DSG2: variants seen among roughly 807,000 people sequenced by gnomAD.
DSG2 encodes desmoglein 2.
Under a neutral mutation model 75.6 loss-of-function variants are expected in DSG2, and 45 were observed. The ratio of observed to expected loss-of-function variants is 0.60; its 90% CI spans 0.47 to 0.76. DSG2 has a LOEUF of 0.76. Ranked by LOEUF, DSG2 falls within the 30% of genes least tolerant of loss-of-function variation. The probability of loss-of-function intolerance (pLI) is 0.00; values close to 1 mark genes in which losing one functional copy is unlikely to be tolerated. For synonymous variants in DSG2, 429 were observed against 483.9 expected (o/e 0.89, Z 1.49); for missense variants, 1,267 against 1,357.4 (o/e 0.93, Z 1.05).
chr18:31,519,935 A>C lies in DSG2; in HGVS notation c.214A>C (p.Lys72Gln). The stretch of plus-strand genomic sequence containing the variant: ...TCTGTCCAAGAAGAATCCAATTGCC[A>C]AGGTACCTCCTAAAGAGGAACATGA... The part of the protein sequence containing the change: ...EDLSKKNPIA[K>Q]IHSDLAEERG... The change falls in exon 3 of 15, where the codon AAG becomes CAG. Residue 72 changes from lysine (K) to glutamine (Q), a missense_variant and splice_region_variant. Transcript: ENST00000261590. The C allele has an allele frequency of 1.9e-6, 3 of 1,614,184 alleles. No homozygotes were observed. Among genetic ancestry groups the C allele is most frequent in the Non-Finnish European group, 2.5e-6 (3 of 1,180,030 alleles).
In DSG2 at chr18:31,522,237, C is replaced by G. The variant is rs1251916891; in HGVS notation, c.678C>G (p.Thr226=). ...DTGEIYTTSV[T]LDREEHSSYT... ...GAGAGATTTATACAACCAGTGTTACCTTGGACAGAGAGGTAAGTTAATATG... is the reference window on the plus strand; with the variant it reads ...GAGAGATTTATACAACCAGTGTTACGTTGGACAGAGAGGTAAGTTAATATG... Residue 226 remains threonine, a synonymous_variant, in exon 6 of 15, where the codon ACC becomes ACG. Coordinates refer to ENST00000261590, the MANE Select transcript of DSG2 (RefSeq NM_001943.5). 3.1e-6 allele frequency: 5 copies of G among 1,613,328 alleles called. No homozygotes were observed. Among genetic ancestry groups the G allele is most frequent in the Non-Finnish European group, 4.2e-6 (5 of 1,179,488 alleles).
intron 9 of DSG2, among the ~76,000 whole-genome samples, chr18:31,533,756 T>C (rs1380861763): frequency 6.6e-6 from 1 of 152,208 alleles, no homozygotes. Context: ...TATTTACTGG[T>C]AGCAGTATTA....
chr18:31,540,247 G>T (rs1020938994), intron 12 of DSG2, among the ~76,000 whole-genome samples: 9 of 152,142 alleles, frequency 5.9e-5, no homozygotes, highest in Admixed American at 1.3e-4. Context: ...AAAGGTTGGG[G>T]ACTGCTGTAT....
Position 31,546,383 on chromosome 18 carries a change from G to A in DSG2, c.2997G>A (p.Ser999=), listed in dbSNP as rs763888499. 9.3e-6 allele frequency: 15 copies of A among 1,613,956 alleles called. No individual in the cohort carries two copies. Among genetic ancestry groups the A allele is most frequent in the Admixed American group, 8.3e-5 (5 of 59,996 alleles). The change falls in exon 15 of 15, where the codon TCG becomes TCA. Residue 999 remains serine, a synonymous_variant. Coordinates refer to ENST00000261590, the MANE Select transcript of DSG2 (RefSeq NM_001943.5). ...TAATACAGCCTCATGGGGGTGGATCGAATCCTCTGGAAGGCACTCAGCATC... is the reference window on the plus strand; with the variant it reads ...TAATACAGCCTCATGGGGGTGGATCAAATCCTCTGGAAGGCACTCAGCATC... ...ERVIQPHGGG[S]NPLEGTQHLQ...
Position 31,521,204 on chromosome 18 carries a change from GA to G in DSG2, c.485del (p.Asp162ValfsTer10). The G allele has an allele frequency of 6.2e-7, 1 of 1,613,344 alleles. No homozygotes were observed. The highest frequency in any genetic ancestry group is 8.5e-7 in the Non-Finnish European group (1 of 1,179,862). ...TGACAACGAACCAGTGTTCACACAG[GA>G]TGTCTTTGTTGGGTCTGTTGAAGAG... ...INDNEPVFTQ[D>X]VFVGSVEELS... On this transcript the variant is annotated frameshift_variant, in exon 5 of 15. Transcript: ENST00000261590. LOFTEE classifies it high-confidence loss of function.
chr18:31,545,214 CAG>C (rs1393337194), intron 14 of DSG2, among the ~76,000 whole-genome samples: 3 of 152,300 alleles, frequency 2.0e-5, no homozygotes, highest in South Asian at 4.1e-4. Flanking sequence ...TCAAAGTTAT[CAG>C]AAAATTTGCA....
chr18:31,545,778 G>A lies in DSG2; in HGVS notation c.2392G>A (p.Val798Ile). The A allele has an allele frequency of 6.2e-7, 1 of 1,614,102 alleles. No homozygotes were observed. Among genetic ancestry groups the A allele is most frequent in the Non-Finnish European group, 8.5e-7 (1 of 1,180,016 alleles). Reference protein sequence around the residue: ...ENHTAKDCLLVYSQEETESLN... With the variant: ...ENHTAKDCLLIYSQEETESLN... ...TCACACAGCCAAAGATTGCCTTCTG[G>A]TTTATTCTCAGGAAGAAACTGAATC... Residue 798 changes from valine to isoleucine, a missense_variant, in exon 15 of 15, where the codon GTT becomes ATT. Val to Ile is a conservative substitution (Grantham distance 29). Coordinates refer to ENST00000261590, the MANE Select transcript of DSG2 (RefSeq NM_001943.5).
chr18:31,547,852 T>C lies in DSG2; in HGVS notation c.*1109T>C, dbSNP rs1363825446. On this transcript the variant is annotated 3_prime_UTR_variant, in exon 15 of 15. Transcript: ENST00000261590. The stretch of plus-strand genomic sequence containing the variant: ...CTTTAAAAAGCCTCAGGGTATATTA[T>C]CTTCTAAACAGCTACAATTCAGTGC... The C allele has an allele frequency of 2.6e-5, 4 of 152,170 alleles. No individual in the cohort carries two copies. Among genetic ancestry groups the C allele is most frequent in the Admixed American group, 6.6e-5 (1 of 15,266 alleles). The allele number at this position is 152,170 out of a possible 1,614,324, so 9.4% of individuals were successfully genotyped here.
In DSG2 at chr18:31,546,169, T is replaced by C; in HGVS notation, c.2783T>C (p.Met928Thr). The C allele has an allele frequency of 6.2e-7, 1 of 1,614,154 alleles. No homozygotes were observed. Among genetic ancestry groups the C allele is most frequent in the Non-Finnish European group, 8.5e-7 (1 of 1,180,016 alleles). Residue 928 changes from methionine (M) to threonine (T), a missense_variant, in exon 15 of 15, where the codon ATG becomes ACG. Met to Thr is a moderately conservative substitution (Grantham distance 81). Coordinates refer to ENST00000261590, the MANE Select transcript of DSG2 (RefSeq NM_001943.5). ...GTAGCTACACCTCTTCCTGACCCAA[T>C]GGCTTCTAGAAATGTGATAGCAACA... is the stretch of plus-strand genomic sequence containing the variant. ...QKVATPLPDP[M>T]ASRNVIATET...
chr18:31,528,319 G>A (rs1463018699), intron 8 of DSG2, among the ~76,000 whole-genome samples: 3 of 152,318 alleles, frequency 2.0e-5, no homozygotes, highest in East Asian at 1.9e-4. Flanking sequence ...CTGGTGAGTA[G>A]ATAAACAGAA....
At chr18:31,528,046 G>A (rs1192311831) in intron 8 of DSG2, among the ~76,000 whole-genome samples, 3 of 152,126 alleles carry the variant, frequency 2.0e-5, no homozygotes, top group African/African-American at 7.2e-5. Context: ...TCAGACAATA[G>A]CAATCAAAAA....
intron 1 of DSG2, among the ~76,000 whole-genome samples, chr18:31,499,367 TGTGTG>T (rs1568098951): frequency 1.0e-5 from 1 of 97,862 alleles, no homozygotes; most frequent in Non-Finnish European, 2.1e-5. Context: ...CGTGTGTGTG[TGTGTG>T]TGTGTGTGTG....
At chr18:31,527,768 G>A (rs977619675) in intron 8 of DSG2, among the ~76,000 whole-genome samples, 2 of 151,922 alleles carry the variant, frequency 1.3e-5, no homozygotes, top group Admixed American at 1.3e-4. Flanking sequence ...CATCTGGGTT[G>A]CTTATTAACA....
At chr18:31,517,132 T>G (rs9304100) in intron 1 of DSG2, among the ~76,000 whole-genome samples, 24,390 of 152,122 alleles carry the variant, frequency 0.16, 2,444 homozygotes, top group African/African-American at 0.28. Context: ...TGGCTGGAAG[T>G]GGAGGTCATT....
At chr18:31,521,265 TTTAA>T (rs770471939) in intron 5 of DSG2, 22 bp downstream of exon 5, 38 of 1,585,982 alleles carry the variant, frequency 2.4e-5, no homozygotes, top group Middle Eastern at 1.7e-4. Flanking sequence ...TTTTTTTTTT[TTTAA>T]TAAATAAATA....
At position 31,546,143 on chromosome 18, in the gene DSG2, G is replaced by T. The variant is rs1362882245; in HGVS notation, c.2757G>T (p.Lys919Asn). ...CTGTGTCTTCTAGGCAGGCGCAAAA[G>T]GTAGCTACACCTCTTCCTGACCCAA... ...ERSVSSRQAQ[K>N]VATPLPDPMA... Residue 919 changes from lysine (K) to asparagine (N), a missense_variant, in exon 15 of 15, where the codon AAG (lysine) becomes AAT (asparagine). Lys to Asn is a moderately conservative substitution (Grantham distance 94, BLOSUM62 0). Coordinates refer to ENST00000261590, the MANE Select transcript of DSG2 (RefSeq NM_001943.5). 3 of 1,614,154 alleles carry T rather than the reference G, an allele frequency of 1.9e-6. No individual in the cohort carries two copies. Among genetic ancestry groups the T allele is most frequent in the Non-Finnish European group, 2.5e-6 (3 of 1,180,026 alleles).
At chr18:31,536,480 C>A (rs1472849391) in intron 11 of DSG2, 51 bp downstream of exon 11, 1 of 1,500,762 alleles carries the variant, frequency 6.7e-7, no homozygotes, top group Non-Finnish European at 9.1e-7. Flanking sequence ...AGCATGATAT[C>A]TAAAATATTT....
In DSG2 at chr18:31,524,835, T is replaced by A. The variant is rs201040643; in HGVS notation, c.961T>A (p.Phe321Ile). ...TGCATCAGGAAATGAAGGAGGTTAT[T>A]TCCACATAGAAACAGATGCTCAAAC... The part of the protein sequence containing the change: ...TFASGNEGGY[F>I]HIETDAQTNE... The change falls in exon 8 of 15, where the codon TTC becomes ATC. Residue 321 changes from phenylalanine (F) to isoleucine (I), a missense_variant. Coordinates refer to ENST00000261590, the MANE Select transcript of DSG2 (RefSeq NM_001943.5). 4.3e-5 allele frequency: 70 copies of A among 1,614,062 alleles called. No homozygotes were observed. Among genetic ancestry groups the A allele is most frequent in the Non-Finnish European group, 5.3e-5 (62 of 1,180,034 alleles).
chr18:31,509,582 C>T (rs915529336), intron 1 of DSG2, among the ~76,000 whole-genome samples: 10 of 152,096 alleles, frequency 6.6e-5, no homozygotes, highest in East Asian at 1.9e-4. Flanking sequence ...GCTGGTTAGC[C>T]GTAAAATAAA....
Sources: allele counts gnomAD v4.1 joint callset (sites outside exome capture counted in the v4.1 genomes callset), GRCh38; gene constraint gnomAD v4.1.1; transcripts MANE v1.5; gene names NCBI Gene and HGNC (gene_info 2026-07-23, HGNC 2026-07-21).